The following FNDC3B variants were observed in gnomAD, a reference collection of about 807,000 sequenced individuals.
The protein encoded by FNDC3B is fibronectin type III domain containing 3B, also known as fibronectin type III domain-containing protein 3B.
Under a neutral mutation model 151.5 loss-of-function variants are expected in FNDC3B, and 12 were observed. That is an observed-to-expected ratio of 0.08 (90% CI 0.05 to 0.13). FNDC3B has a LOEUF of 0.13. Ranked by LOEUF, FNDC3B falls within the 10% of genes least tolerant of loss-of-function variation. The pLI, the probability that FNDC3B is intolerant of heterozygous loss-of-function variation, is 1.00. For missense variants in FNDC3B, 1,214 were observed against 1,505.3 expected, an observed-to-expected ratio of 0.81 and a Z score of 3.20; for synonymous variants, 528 against 549.0, an observed-to-expected ratio of 0.96 and a Z score of 0.54.
chr3:172,133,139 A>G (rs1287925642), intron 2 of FNDC3B, among the ~76,000 whole-genome samples: 2 of 152,204 alleles, frequency 1.3e-5, no homozygotes, highest in Non-Finnish European at 2.9e-5. Flanking sequence ...TTCTGTAAGT[A>G]TGGTTTCTGG....
intron 1 of FNDC3B, among the ~76,000 whole-genome samples, chr3:172,042,219 A>G (rs1261750683): frequency 6.6e-6 from 1 of 152,196 alleles, no homozygotes; most frequent in East Asian, 1.9e-4. Context: ...TTTAATACAG[A>G]CTTTATAAAT....
chr3:172,113,479 C>G (rs1720081797), intron 2 of FNDC3B, among the ~76,000 whole-genome samples: 1 of 152,160 alleles, frequency 6.6e-6, no homozygotes, highest in Non-Finnish European at 1.5e-5. Flanking sequence ...TGGAGCTGAC[C>G]TTGCTGCTTA....
At position 172,244,650 on chromosome 3, in the gene FNDC3B, C is replaced by T. The variant is rs568752923; in HGVS notation, c.265-2883C>T. Among the ~76,000 whole-genome samples, 108 of 95,446 alleles carry T rather than the reference C, an allele frequency of 1.1e-3. No homozygotes were observed. The Middle Eastern group carries it at 0.035, about 31-fold the overall frequency. The allele number at this position is 95,446 out of a possible 152,430, so 62.6% of individuals were successfully genotyped here. On this transcript the variant is annotated intron_variant, in intron 4 of 25. Coordinates refer to ENST00000415807, the MANE Select transcript of FNDC3B (RefSeq NM_022763.4). ...TTTTTTTTTTTTTTTTTTGAGTCGG[C>T]GTCTCCGTCTGTCACCCAGGCTGGA...
chr3:172,389,071 A>G (rs1190556946), intron 25 of FNDC3B, among the ~76,000 whole-genome samples: 4 of 152,320 alleles, frequency 2.6e-5, no homozygotes, highest in Admixed American at 2.0e-4. Flanking sequence ...TTAATTTTCA[A>G]TTATTTGGGC....
chr3:172,040,129 C>G lies in FNDC3B; in HGVS notation c.-29+358C>G, dbSNP rs1254814146. On this transcript the variant is annotated intron_variant, in intron 1 of 25. Coordinates refer to ENST00000415807, the MANE Select transcript of FNDC3B (RefSeq NM_022763.4). The surrounding 1 kb of genome is among the most constrained non-coding windows in gnomAD (Gnocchi z 6.6). ...CTCCCCCCACCCCCAGCCTTCCCAG[C>G]AGATTTTGTCCGAGGAATCCGCTCC... 6.6e-5 allele frequency among the ~76,000 whole-genome samples: 10 copies of G among 152,146 alleles called. No homozygotes were observed. Among genetic ancestry groups the G allele is most frequent in the Admixed American group, 6.5e-4 (10 of 15,290 alleles).
intron 23 of FNDC3B, among the ~76,000 whole-genome samples, chr3:172,375,589 AG>A (rs1429507471): frequency 2.0e-5 from 3 of 152,168 alleles, no homozygotes; most frequent in Non-Finnish European, 2.9e-5. Context: ...AAAATAAAAG[AG>A]CTCTTCTCCA....
At chr3:172,137,748 G>A (rs1721443192) in intron 3 of FNDC3B, among the ~76,000 whole-genome samples, 1 of 152,160 alleles carries the variant, frequency 6.6e-6, no homozygotes, top group African/African-American at 2.4e-5. Context: ...ATTTCTAATG[G>A]AATATTTCTC....
At chr3:172,060,564 C>T (rs12633493) in intron 1 of FNDC3B, among the ~76,000 whole-genome samples, 72,581 of 152,030 alleles carry the variant, frequency 0.48, 19,360 homozygotes, top group Non-Finnish European at 0.59. Flanking sequence ...TCAGTTCAAT[C>T]AGTAGTAGTA....
At chr3:172,116,724 C>G (rs189215257) in intron 2 of FNDC3B, among the ~76,000 whole-genome samples, 1 of 152,112 alleles carries the variant, frequency 6.6e-6, no homozygotes, top group African/African-American at 2.4e-5. Context: ...TGCCACCACG[C>G]CTGGCTAATT....
chr3:172,110,887 T>C (rs1719926410), intron 1 of FNDC3B, among the ~76,000 whole-genome samples: 1 of 152,210 alleles, frequency 6.6e-6, no homozygotes, highest in South Asian at 2.1e-4. Flanking sequence ...TGAGGTCATG[T>C]CAGGAGTTCA....
chr3:172,171,986 T>A (rs1723307327), intron 3 of FNDC3B, among the ~76,000 whole-genome samples: 1 of 152,138 alleles, frequency 6.6e-6, no homozygotes, highest in Admixed American at 6.5e-5. Context: ...TAGAGACATT[T>A]TAAGGTTTAT....
At chr3:172,371,466 G>C (rs1734880198) in intron 23 of FNDC3B, among the ~76,000 whole-genome samples, 1 of 152,182 alleles carries the variant, frequency 6.6e-6, no homozygotes, top group South Asian at 2.1e-4. Context: ...ACTCATGCGT[G>C]CTTATTGCCA....
chr3:172,278,084 G>C (rs1729523772), intron 6 of FNDC3B, among the ~76,000 whole-genome samples: 1 of 152,192 alleles, frequency 6.6e-6, no homozygotes. Context: ...TCAGTCATCT[G>C]AGACATAATT....
chr3:172,281,215 A>ATTTT (rs144555553), intron 6 of FNDC3B, among the ~76,000 whole-genome samples: 4 of 132,502 alleles, frequency 3.0e-5, no homozygotes, highest in East Asian at 4.2e-4. Context: ...ATTATTATTT[A>ATTTT]TATTTATTTA....
At chr3:172,205,840 G>A (rs1725395065) in intron 3 of FNDC3B, among the ~76,000 whole-genome samples, 1 of 152,054 alleles carries the variant, frequency 6.6e-6, no homozygotes, top group Non-Finnish European at 1.5e-5. Context: ...TTAATTCCTG[G>A]TTATTATTAT....
At chr3:172,114,919 AAT>A (rs1313556232) in intron 2 of FNDC3B, among the ~76,000 whole-genome samples, 1 of 152,226 alleles carries the variant, frequency 6.6e-6, no homozygotes, top group African/African-American at 2.4e-5. Flanking sequence ...TTAATTAGTA[AAT>A]ATGTTTGTGT....
At chr3:172,304,240 C>T (rs1403569052) in intron 9 of FNDC3B, among the ~76,000 whole-genome samples, 1 of 152,232 alleles carries the variant, frequency 6.6e-6, no homozygotes, top group African/African-American at 2.4e-5. Context: ...TTACCTTTCC[C>T]CAGACAACTG....
intron 10 of FNDC3B, among the ~76,000 whole-genome samples, chr3:172,308,932 C>G (rs893948211): frequency 6.6e-6 from 1 of 152,128 alleles, no homozygotes; most frequent in Non-Finnish European, 1.5e-5. Context: ...CTTTAGATGA[C>G]CTGAGGGATC....
chr3:172,083,831 T>A (rs1289714755), intron 1 of FNDC3B, among the ~76,000 whole-genome samples: 1 of 152,258 alleles, frequency 6.6e-6, no homozygotes, highest in South Asian at 2.1e-4. Context: ...GTTTCTACAC[T>A]GTTAAATCTA....
Sources: gnomAD v4.1 joint callset for allele counts (sites outside exome capture counted in the v4.1 genomes callset) on GRCh38, gnomAD v4.1.1 for gene constraint, Gnocchi (gnomAD v3.1) non-coding constraint, MANE v1.5 for transcripts, NCBI Gene and HGNC (gene_info 2026-07-23, HGNC 2026-07-21) for gene names.